Variants in PTPN12 observed in about 807,000 individuals in gnomAD.
PTPN12 encodes protein tyrosine phosphatase non-receptor type 12.
PTPN12 carries 29 observed loss-of-function variants against 97.6 expected under a neutral mutation model. That is an observed-to-expected ratio of 0.30 (90% confidence interval 0.22 to 0.41). The LOEUF is 0.41. Among genes scored for constraint, PTPN12 ranks in the 10% least tolerant of loss-of-function variants. PTPN12 has a pLI of 1.00. For missense variants in PTPN12, 819 were observed against 926.0 expected (o/e 0.88, Z 1.50); for synonymous variants, 327 against 300.4 (o/e 1.09, Z -0.91).
At chr7:77,569,500 G>A (rs141281448) in intron 1 of PTPN12, among the ~76,000 whole-genome samples, 48 of 152,204 alleles carry the variant, frequency 3.2e-4, no homozygotes, top group Non-Finnish European at 5.9e-4. Context: ...GGTTGGGCGC[G>A]TGGCTCACAC....
chr7:77,565,282 A>G (rs1808211565), intron 1 of PTPN12, among the ~76,000 whole-genome samples: 1 of 152,326 alleles, frequency 6.6e-6, no homozygotes, highest in African/African-American at 2.4e-5. Flanking sequence ...CAGCCAACAA[A>G]TTAATTTAAC....
At chr7:77,624,879 A>G (rs1472059205) in intron 12 of PTPN12, among the ~76,000 whole-genome samples, 1 of 151,894 alleles carries the variant, frequency 6.6e-6, no homozygotes, top group African/African-American at 2.4e-5. Flanking sequence ...CACCCCTGTA[A>G]TCCCAGCACT....
chr7:77,638,744 A>G lies in PTPN12; in HGVS notation c.2281+13A>G. 5 of 1,591,086 alleles carry G rather than the reference A, an allele frequency of 3.1e-6. No individual in the cohort carries two copies. Among genetic ancestry groups the G allele is most frequent in the Non-Finnish European group, 4.3e-6 (5 of 1,173,296 alleles). On this transcript the variant is annotated intron_variant, in intron 17 of 17. Coordinates refer to ENST00000248594, the MANE Select transcript of PTPN12 (RefSeq NM_002835.4). Reference sequence around the variant, plus strand: ...GCCACAGATATTGGTAATTTGTTTAATAAATAATTTTTAGTAAGTAGTTAA... The same window carrying G: ...GCCACAGATATTGGTAATTTGTTTAGTAAATAATTTTTAGTAAGTAGTTAA...
At chr7:77,570,756 C>T (rs948274950) in intron 1 of PTPN12, among the ~76,000 whole-genome samples, 4 of 152,270 alleles carry the variant, frequency 2.6e-5, no homozygotes, top group Middle Eastern at 3.4e-3. Flanking sequence ...TATTGTGACC[C>T]TTAGTTAAAA....
chr7:77,582,818 TTATC>T (rs1470970678), intron 3 of PTPN12, among the ~76,000 whole-genome samples: 1 of 151,834 alleles, frequency 6.6e-6, no homozygotes, highest in Non-Finnish European at 1.5e-5. Flanking sequence ...GGTAAAATTA[TTATC>T]TATGTCAATA....
intron 1 of PTPN12, among the ~76,000 whole-genome samples, chr7:77,564,753 T>TGTTTTTTTG: frequency 1.2e-5 from 1 of 81,628 alleles, no homozygotes; most frequent in Non-Finnish European, 2.3e-5. Flanking sequence ...CGTGTTTTTT[T>TGTTTTTTTG]TTTTTTTTTT....
rs573053080 is a variant in PTPN12, at chr7:77,636,384, C to G, written c.2142+535C>G. ...ATCACTTGAGCCCAGGAGTTCAAGA[C>G]CATCCTGGGCAACATGGGGAGACCT... On this transcript the variant is annotated intron_variant, in intron 15 of 17. Transcript: ENST00000248594. Among the ~76,000 whole-genome samples, 3 of 152,082 alleles carry G rather than the reference C, an allele frequency of 2.0e-5. No individual in the cohort carries two copies. In the East Asian group the frequency reaches 5.8e-4, roughly 29 times the overall value.
chr7:77,614,275 A>G (rs1788676991), intron 11 of PTPN12, among the ~76,000 whole-genome samples: 1 of 152,226 alleles, frequency 6.6e-6, no homozygotes, highest in South Asian at 2.1e-4. Flanking sequence ...TCTTTTTCTA[A>G]TTAGATCAAA....
At chr7:77,550,482 T>C (rs1807431795) in intron 1 of PTPN12, among the ~76,000 whole-genome samples, 1 of 152,244 alleles carries the variant, frequency 6.6e-6, no homozygotes, top group Non-Finnish European at 1.5e-5. Context: ...CCATTTTGTT[T>C]ATCCCTAAGA....
chr7:77,610,870 C>A, intron 10 of PTPN12, 28 bp downstream of exon 10: 1 of 1,584,330 alleles, frequency 6.3e-7, no homozygotes, highest in Non-Finnish European at 8.6e-7. Flanking sequence ...CCTTTATAAA[C>A]TGCTATTTTA....
chr7:77,621,131 A>G (rs1401672024), intron 12 of PTPN12, among the ~76,000 whole-genome samples: 1 of 150,506 alleles, frequency 6.6e-6, no homozygotes, highest in African/African-American at 2.4e-5. Context: ...TACTTTTTAA[A>G]CGTTTTTGTT....
intron 1 of PTPN12, among the ~76,000 whole-genome samples, chr7:77,565,625 CTT>C (rs556804496): frequency 3.2e-4 from 49 of 152,166 alleles, no homozygotes; most frequent in Non-Finnish European, 4.0e-4. Flanking sequence ...CTGTTCCACT[CTT>C]TTAAGAACTT....
chr7:77,614,330 T>C (rs529916882), intron 11 of PTPN12, among the ~76,000 whole-genome samples: 1 of 152,258 alleles, frequency 6.6e-6, no homozygotes, highest in African/African-American at 2.4e-5. Context: ...AATCCTTTTT[T>C]AATATCCTGA....
chr7:77,582,960 T>G (rs556522707), intron 3 of PTPN12, among the ~76,000 whole-genome samples: 4 of 152,304 alleles, frequency 2.6e-5, no homozygotes, highest in South Asian at 4.1e-4. Context: ...TTCATATTCT[T>G]TTTTTAAGGC....
intron 1 of PTPN12, among the ~76,000 whole-genome samples, chr7:77,552,323 A>G (rs1159948117): frequency 6.6e-6 from 1 of 151,846 alleles, no homozygotes; most frequent in Non-Finnish European, 1.5e-5. Context: ...TGAAAATGCA[A>G]CTTAAACTAG....
At chr7:77,596,011 G>A (rs554520321) in intron 6 of PTPN12, among the ~76,000 whole-genome samples, 1 of 152,224 alleles carries the variant, frequency 6.6e-6, no homozygotes, top group Non-Finnish European at 1.5e-5. Context: ...ATTGAAACTT[G>A]AATGTTAGGG....
At position 77,583,670 on chromosome 7, in the gene PTPN12, CAAT is replaced by C. The variant is rs746717732; in HGVS notation, c.381+23_381+25del. On this transcript the variant is annotated intron_variant, in intron 4 of 17. Coordinates refer to ENST00000248594, the MANE Select transcript of PTPN12 (RefSeq NM_002835.4). ...GTTGTGGTAAGTAATTTACTTTTCA[CAAT>C]AAATTTTGAGAAATACTTATGTAAT... 2.1e-6 allele frequency: 3 copies of C among 1,462,326 alleles called. No individual in the cohort carries two copies. The Admixed American group carries it at 5.9e-5, about 29-fold the overall frequency. The allele number at this position is 1,462,326 out of a possible 1,614,324, so 90.6% of individuals were successfully genotyped here.
intron 14 of PTPN12, among the ~76,000 whole-genome samples, chr7:77,633,898 C>T (rs1256776148): frequency 2.0e-5 from 3 of 151,818 alleles, no homozygotes; most frequent in South Asian, 2.1e-4. Flanking sequence ...TGGTGGGCGC[C>T]TGTAATCCCA....
chr7:77,596,450 GA>G, intron 6 of PTPN12, among the ~76,000 whole-genome samples: 1 of 152,116 alleles, frequency 6.6e-6, no homozygotes, highest in Admixed American at 6.6e-5. Context: ...GTGTCACCCA[GA>G]CTGGAATGCA....
Sources: allele counts gnomAD v4.1 joint callset (sites outside exome capture counted in the v4.1 genomes callset), GRCh38; gene constraint gnomAD v4.1.1; transcripts MANE v1.5; gene names NCBI Gene and HGNC (gene_info 2026-07-23, HGNC 2026-07-21).